The following KLF17 variants were observed in gnomAD, a reference collection of about 807,000 sequenced individuals.
KLF17 encodes Krueppel-like factor 17.
Under a neutral mutation model 34.2 loss-of-function variants are expected in KLF17, and 31 were observed. The observed-to-expected ratio is 0.91, with a 90% confidence interval of 0.68 to 1.22. KLF17 has a LOEUF of 1.22. Among genes scored for constraint, KLF17 ranks in the 50% most tolerant of loss-of-function variants. The probability of loss-of-function intolerance (pLI) is 0.00; values close to 1 mark genes in which losing one functional copy is unlikely to be tolerated. For synonymous variants in KLF17, 179 were observed against 186.7 expected (o/e 0.96, Z 0.34); for missense variants, 478 against 505.2 (o/e 0.95, Z 0.52).
At chr1:44,107,064 G>C in the KLF17 span, 1 of 152,250 alleles carries the variant, frequency 6.6e-6, no homozygotes, top group Non-Finnish European at 1.5e-5. Context: ...GGAGGAGAGA[G>C]GTGGGAATGT....
chr1:44,099,589 AGG>A, the KLF17 span, among the ~76,000 whole-genome samples: 2 of 149,780 alleles, frequency 1.3e-5, no homozygotes, highest in African/African-American at 2.5e-5. Context: ...CGGGTGAATC[AGG>A]ATTCAGGAGG....
In KLF17 at chr1:44,118,913, C is replaced by T. The variant is rs147568330; in HGVS notation, c.6C>T (p.Tyr2=). Residue 2 remains tyrosine, a synonymous_variant, in exon 1 of 4, where the codon TAC becomes TAT. Coordinates refer to ENST00000372299, the MANE Select transcript of KLF17 (RefSeq NM_173484.4). M[Y]GRPQAEMEQE... ...CTAGACCCCACCCAGTCTTCATGTACGGCCGACCGCAGGCTGAGATGGAAC... is the reference window on the plus strand; with the variant it reads ...CTAGACCCCACCCAGTCTTCATGTATGGCCGACCGCAGGCTGAGATGGAAC... 4,181 of 1,611,352 alleles carry T rather than the reference C, an allele frequency of 2.6e-3. 12 individuals carry two copies. The highest frequency in any genetic ancestry group is 3.4e-3 in the Non-Finnish European group (3,996 of 1,178,860).
rs1353167563 is a variant in KLF17, at chr1:44,127,670, CT to C, written c.82-1680del. ...TCTTTCTTTCTTTCTTTCTTTCTTT[CT>C]TTCTTTCTTTCTTTCTTTCTTTTTC... On this transcript the variant is annotated intron_variant, in intron 1 of 3. Coordinates refer to ENST00000372299, the MANE Select transcript of KLF17 (RefSeq NM_173484.4). Among the ~76,000 whole-genome samples, 4 of 45,002 alleles carry C rather than the reference CT, an allele frequency of 8.9e-5. No individual in the cohort carries two copies. The East Asian group carries it at 2.0e-3, about 22-fold the overall frequency. 29.5% of individuals were successfully genotyped at this position (45,002 alleles called of 152,430 possible).
the KLF17 span, among the ~76,000 whole-genome samples, chr1:44,085,406 G>A: frequency 1.3e-5 from 2 of 152,180 alleles, no homozygotes; most frequent in Non-Finnish European, 1.5e-5. Context: ...GTGGATCTTT[G>A]AAGAAAGCTG....
At chr1:44,056,547 C>G in the KLF17 span, among the ~76,000 whole-genome samples, 2 of 152,196 alleles carry the variant, frequency 1.3e-5, no homozygotes, top group Admixed American at 1.3e-4. Context: ...TGCTAACAGG[C>G]ATTCTTAACA....
chr1:44,048,535 A>G, the KLF17 span: 8 of 152,330 alleles, frequency 5.3e-5, no homozygotes, highest in Admixed American at 1.3e-4. Context: ...TGGAGAAGGT[A>G]CTGCACTCTT....
chr1:44,097,276 T>C, the KLF17 span, among the ~76,000 whole-genome samples: 6 of 152,316 alleles, frequency 3.9e-5, no homozygotes, highest in African/African-American at 1.2e-4. Context: ...AGCCTTGTAG[T>C]ATAGTTTGAA....
chr1:44,130,827 C>CAAAAAA, intron 3 of KLF17, 71 bp downstream of exon 3: 1 of 1,459,204 alleles, frequency 6.9e-7, no homozygotes, highest in Non-Finnish European at 9.4e-7. Flanking sequence ...GACGGAGTCT[C>CAAAAAA]ACTCTGTCTC....
chr1:44,110,200 C>A, the KLF17 span, among the ~76,000 whole-genome samples: 2 of 152,096 alleles, frequency 1.3e-5, no homozygotes, highest in Non-Finnish European at 2.9e-5. Flanking sequence ...GGCCACTGGG[C>A]CTGGCCTACA....
rs551004452 is a variant in KLF17, at chr1:44,129,835, C to A, written c.564C>A (p.Asp188Glu). 6.2e-7 allele frequency: 1 copy of A among 1,614,196 alleles called. No homozygotes were observed. Among genetic ancestry groups the A allele is most frequent in the Admixed American group, 1.7e-5 (1 of 60,030 alleles). The change falls in exon 2 of 4, where the codon GAC (aspartate) becomes GAA (glutamate). Residue 188 changes from aspartate (D) to glutamate (E), a missense_variant. By Grantham distance (45) the Asp-to-Glu change is conservative. Coordinates refer to ENST00000372299, the MANE Select transcript of KLF17 (RefSeq NM_173484.4). ...PYPGLSTVPS[D>E]ETLLGPTVPS... ...CTGGCCTCTCGACAGTACCTTCTGA[C>A]GAAACATTGTTGGGCCCGACTGTGC... is the stretch of plus-strand genomic sequence containing the variant.
the KLF17 span, chr1:44,104,511 C>G: frequency 1.4e-6 from 1 of 740,710 alleles, no homozygotes; most frequent in Admixed American, 1.8e-5. Flanking sequence ...CTCCTGGGTG[C>G]GCATGGCCTG....
chr1:44,083,418 C>T, the KLF17 span, among the ~76,000 whole-genome samples: 2 of 152,130 alleles, frequency 1.3e-5, no homozygotes, highest in South Asian at 2.1e-4. Flanking sequence ...CACTCCCAGC[C>T]TCCTGCTCAG....
the KLF17 span, among the ~76,000 whole-genome samples, chr1:44,099,841 GAAAGA>G: frequency 1.4e-4 from 4 of 28,714 alleles, no homozygotes; most frequent in Admixed American, 1.1e-3. Flanking sequence ...AAGAAAGAAA[GAAAGA>G]AAGAAAGAAA....
chr1:44,080,657 G>A, the KLF17 span, among the ~76,000 whole-genome samples: 1 of 148,894 alleles, frequency 6.7e-6, no homozygotes, highest in African/African-American at 2.5e-5. Flanking sequence ...CTTTTTATCT[G>A]CCTTTAATTG....
At chr1:44,103,221 C>G in the KLF17 span, 1 of 639,078 alleles carries the variant, frequency 1.6e-6, no homozygotes, top group East Asian at 2.7e-5. Context: ...TCTCCCGTTC[C>G]CTGTGCTCCC....
chr1:44,080,261 C>T, the KLF17 span, among the ~76,000 whole-genome samples: 4 of 97,832 alleles, frequency 4.1e-5, no homozygotes, highest in African/African-American at 8.1e-5. Context: ...TTTTTTGAGA[C>T]GGAGTCTTGC....
At chr1:44,109,207 T>G in the KLF17 span, among the ~76,000 whole-genome samples, 4 of 152,200 alleles carry the variant, frequency 2.6e-5, no homozygotes, top group African/African-American at 9.7e-5. Context: ...TTTTTCTACC[T>G]CCTGAGGGTA....
At chr1:44,066,517 T>C in the KLF17 span, among the ~76,000 whole-genome samples, 47 of 151,856 alleles carry the variant, frequency 3.1e-4, no homozygotes, top group African/African-American at 1.1e-3. Context: ...AGAGCCACCA[T>C]GCCTGGCCAA....
At chr1:44,111,500 CCTT>C in the KLF17 span, among the ~76,000 whole-genome samples, 3 of 68,264 alleles carry the variant, frequency 4.4e-5, no homozygotes, top group East Asian at 1.1e-3. Flanking sequence ...TATTTTTAAA[CCTT>C]CTTATTTGGG....
Sources: allele counts gnomAD v4.1 joint callset (sites outside exome capture counted in the v4.1 genomes callset), GRCh38; gene constraint gnomAD v4.1.1; transcripts MANE v1.5; gene names NCBI Gene and HGNC (gene_info 2026-07-23, HGNC 2026-07-21).